Variants in FSTL5 observed in about 807,000 individuals in gnomAD.
The protein encoded by FSTL5 is follistatin like 5.
In FSTL5, 62 loss-of-function variants were observed where a neutral mutation model predicts 89.1. The ratio of observed to expected loss-of-function variants is 0.70; its 90% CI spans 0.57 to 0.86. FSTL5 has a LOEUF of 0.86. FSTL5 is among the 40% of genes least tolerant of loss of function. The pLI is 0.00. For synonymous variants in FSTL5, 383 were observed against 346.2 expected (o/e 1.11, Z -1.18); for missense variants, 1,057 against 1,001.6 (o/e 1.06, Z -0.75).
chr4:161,959,255 A>G (rs1735107431), intron 3 of FSTL5, among the ~76,000 whole-genome samples: 1 of 152,168 alleles, frequency 6.6e-6, no homozygotes, highest in Non-Finnish European at 1.5e-5. Context: ...TGTTACGATG[A>G]GCAAAATTTT....
chr4:161,982,023 T>C (rs1735840807), intron 3 of FSTL5, among the ~76,000 whole-genome samples: 1 of 152,234 alleles, frequency 6.6e-6, no homozygotes, highest in African/African-American at 2.4e-5. Context: ...TTAATTCTTA[T>C]TCCTCCTTGA....
At chr4:162,064,215 G>C (rs1492457) in intron 2 of FSTL5, among the ~76,000 whole-genome samples, 1 of 151,804 alleles carries the variant, frequency 6.6e-6, no homozygotes, top group South Asian at 2.1e-4. Flanking sequence ...TAATATTTAC[G>C]GATAAGAATT....
intron 1 of FSTL5, among the ~76,000 whole-genome samples, chr4:162,152,603 C>A (rs1733271712): frequency 1.3e-5 from 2 of 151,894 alleles, no homozygotes; most frequent in South Asian, 4.1e-4. Context: ...GTGCACAAAC[C>A]CAAAAAGTGT....
intron 6 of FSTL5, among the ~76,000 whole-genome samples, chr4:161,730,526 A>G (rs1739573098): frequency 6.6e-6 from 1 of 152,140 alleles, no homozygotes; most frequent in Non-Finnish European, 1.5e-5. Context: ...TATTGAACAC[A>G]TCAAGATTTT....
intron 10 of FSTL5, among the ~76,000 whole-genome samples, chr4:161,519,944 T>A (rs555725967): frequency 2.6e-5 from 4 of 152,306 alleles, no homozygotes; most frequent in Non-Finnish European, 4.4e-5. Context: ...GCCTGGCACA[T>A]AATCAGTTGT....
intron 4 of FSTL5, among the ~76,000 whole-genome samples, chr4:161,812,780 C>G (rs577264202): frequency 3.5e-5 from 5 of 143,416 alleles, no homozygotes; most frequent in African/African-American, 1.3e-4. Context: ...TTATGCCGCC[C>G]ATTCTGAGAC....
intron 3 of FSTL5, among the ~76,000 whole-genome samples, chr4:161,932,882 A>T (rs2110899407): frequency 6.6e-6 from 1 of 152,218 alleles, no homozygotes; most frequent in South Asian, 2.1e-4. Context: ...TAGGCTTCTA[A>T]ATGTTTGATT....
rs570074274 is a variant in FSTL5 at position 162,018,062 on chromosome 4, G to C, written c.160+15563C>G. ...AGTTCTGTGAGTTGCCCTCCTCTGG[G>C]TCTTGCTCCGTGTAATCAGACCCCA... On this transcript the variant is annotated intron_variant, in intron 3 of 15. Transcript: ENST00000306100. Among the ~76,000 whole-genome samples, 68 of 152,216 alleles carry C rather than the reference G, an allele frequency of 4.5e-4. 1 individual carries two copies. The highest frequency in any genetic ancestry group is 1.2e-3 in the South Asian group (6 of 4,818).
chr4:162,079,397 CTTTCTT>C (rs1198559157), intron 2 of FSTL5, among the ~76,000 whole-genome samples: 3 of 151,592 alleles, frequency 2.0e-5, no homozygotes, highest in African/African-American at 7.3e-5. Context: ...AGCTGTATCT[CTTTCTT>C]TTTCATGTTT....
At chr4:161,500,950 T>C (rs1578881017) in intron 11 of FSTL5, among the ~76,000 whole-genome samples, 1 of 152,052 alleles carries the variant, frequency 6.6e-6, no homozygotes, top group African/African-American at 2.4e-5. Flanking sequence ...TTCCTCTGCT[T>C]CTCCCCTGTT....
At chr4:161,476,596 T>G (rs1399858821) in intron 13 of FSTL5, among the ~76,000 whole-genome samples, 2 of 152,190 alleles carry the variant, frequency 1.3e-5, no homozygotes, top group Non-Finnish European at 2.9e-5. Context: ...AAGGTATTTT[T>G]CTGAGCCTTT....
intron 7 of FSTL5, among the ~76,000 whole-genome samples, chr4:161,603,256 C>A (rs28506479): frequency 6.6e-6 from 1 of 151,960 alleles, no homozygotes; most frequent in Non-Finnish European, 1.5e-5. Flanking sequence ...GAGACCCACA[C>A]AATTTGTTTT....
intron 6 of FSTL5, among the ~76,000 whole-genome samples, chr4:161,690,353 C>T (rs1015736488): frequency 6.6e-6 from 1 of 151,846 alleles, no homozygotes; most frequent in African/African-American, 2.4e-5. Context: ...ATAAAATTGA[C>T]CATCTTGTGA....
intron 6 of FSTL5, among the ~76,000 whole-genome samples, chr4:161,698,619 G>GAGAGA (rs1204527104): frequency 6.6e-6 from 1 of 152,136 alleles, no homozygotes; most frequent in African/African-American, 2.4e-5. Context: ...TGAAGGGTAA[G>GAGAGA]AGAGAGTGAA....
chr4:161,651,480 G>A (rs893756775), intron 7 of FSTL5, among the ~76,000 whole-genome samples: 1 of 151,856 alleles, frequency 6.6e-6, no homozygotes. Flanking sequence ...TTTTAGGTAG[G>A]TTCAGGGTAT....
intron 6 of FSTL5, among the ~76,000 whole-genome samples, chr4:161,708,601 T>C (rs569796076): frequency 6.6e-6 from 1 of 152,068 alleles, no homozygotes; most frequent in East Asian, 1.9e-4. Flanking sequence ...AAGTCATTTA[T>C]ATAAATTATT....
intron 2 of FSTL5, among the ~76,000 whole-genome samples, chr4:162,061,731 G>C (rs1738724015): frequency 6.6e-6 from 1 of 152,040 alleles, no homozygotes; most frequent in Non-Finnish European, 1.5e-5. Context: ...GCAAATGCAT[G>C]AGTTACATAT....
chr4:161,758,270 A>T (rs1227882462), intron 6 of FSTL5, among the ~76,000 whole-genome samples: 1 of 152,148 alleles, frequency 6.6e-6, no homozygotes, highest in Non-Finnish European at 1.5e-5. Context: ...GCTAAAAGTC[A>T]GGGGCATAAT....
intron 4 of FSTL5, among the ~76,000 whole-genome samples, chr4:161,900,149 C>T (rs1382723282): frequency 1.3e-5 from 2 of 151,778 alleles, no homozygotes; most frequent in South Asian, 2.1e-4. Context: ...AGCCCAAGAT[C>T]GTGCCATTGC....
Sources: allele counts gnomAD v4.1 joint callset (sites outside exome capture counted in the v4.1 genomes callset), GRCh38; gene constraint gnomAD v4.1.1; transcripts MANE v1.5; gene names NCBI Gene and HGNC (gene_info 2026-07-23, HGNC 2026-07-21).